The following ZFHX3 variants were observed in gnomAD, a reference collection of about 807,000 sequenced individuals.
ZFHX3 encodes the protein zinc finger homeobox protein 3.
A neutral mutation model predicts 279.1 loss-of-function variants in ZFHX3; 42 were observed. The observed-to-expected ratio is 0.15, with a 90% CI of 0.12 to 0.19. The LOEUF (loss-of-function observed/expected upper bound fraction) is 0.19. Among genes scored for constraint, ZFHX3 ranks in the 10% least tolerant of loss-of-function variants. The pLI, the probability that ZFHX3 is intolerant of heterozygous loss-of-function variation, is 1.00. For missense variants in ZFHX3, 4,981 were observed against 4,754.0 expected (o/e 1.05, Z -1.40); for synonymous variants, 2,293 against 1,957.8 (o/e 1.17, Z -4.52).
intron 3 of ZFHX3, among the ~76,000 whole-genome samples, chr16:73,356,397 A>G (rs1373749971): frequency 6.6e-6 from 1 of 151,972 alleles, no homozygotes; most frequent in Non-Finnish European, 1.5e-5. Flanking sequence ...AACCCTGCTA[A>G]TTGGATTGAC....
At chr16:73,122,452 C>CT (rs1966511264) in intron 7 of ZFHX3, among the ~76,000 whole-genome samples, 2 of 152,040 alleles carry the variant, frequency 1.3e-5, no homozygotes, top group Admixed American at 1.3e-4. Flanking sequence ...AGTGGTCTGC[C>CT]TGCCTTGGCC....
At chr16:73,217,285 G>C (rs1427312682) in intron 5 of ZFHX3, among the ~76,000 whole-genome samples, 1 of 152,278 alleles carries the variant, frequency 6.6e-6, no homozygotes, top group East Asian at 1.9e-4. Context: ...AGCTGCTGCA[G>C]CCTTCGTATG....
intron 2 of ZFHX3, among the ~76,000 whole-genome samples, chr16:73,532,952 T>G (rs540165743): frequency 2.5e-4 from 38 of 152,314 alleles, no homozygotes; most frequent in African/African-American, 8.4e-4. Flanking sequence ...ATTTTAAGTT[T>G]CATGAGGTCA....
Position 72,784,442 on chromosome 16 carries a change from G to A in ZFHX3, c.*2722C>T, listed in dbSNP as rs1444323586. 2 of 152,424 alleles carry A rather than the reference G, an allele frequency of 1.3e-5. No homozygotes were observed. The highest frequency in any genetic ancestry group is 2.4e-5 in the African/African-American group (1 of 41,394). 9.4% of individuals were successfully genotyped at this position (152,424 alleles called of 1,614,324 possible). On this transcript the variant is annotated 3_prime_UTR_variant, in exon 10 of 10. Transcript: ENST00000268489. Reference sequence around the variant, plus strand: ...GCAGAATTTGACAGGTAAAGCTAGTGTTACATTGTTAACTGATATCACATA... The same window carrying A: ...GCAGAATTTGACAGGTAAAGCTAGTATTACATTGTTAACTGATATCACATA...
intron 4 of ZFHX3, among the ~76,000 whole-genome samples, chr16:72,886,895 T>C (rs1238478299): frequency 2.0e-5 from 3 of 152,144 alleles, no homozygotes; most frequent in Non-Finnish European, 4.4e-5. Flanking sequence ...TGTAGACGGA[T>C]GGGATCAGAG....
chr16:72,836,955 T>C (rs1316684272), intron 4 of ZFHX3, among the ~76,000 whole-genome samples: 1 of 152,164 alleles, frequency 6.6e-6, no homozygotes, highest in African/African-American at 2.4e-5. Context: ...CTTCTCAGGA[T>C]GTCATTTCTT....
intron 3 of ZFHX3, among the ~76,000 whole-genome samples, chr16:73,366,604 AAAG>A (rs2016534543): frequency 7.0e-6 from 1 of 143,296 alleles, no homozygotes. Context: ...AAAAAAAAAA[AAAG>A]AGAGAAAGAG....
intron 4 of ZFHX3, among the ~76,000 whole-genome samples, chr16:72,882,066 C>G (rs537818734): frequency 6.6e-6 from 1 of 152,204 alleles, no homozygotes; most frequent in East Asian, 1.9e-4. Flanking sequence ...ATACTCACAC[C>G]CCTAAAAAGA....
chr16:73,258,494 C>G (rs1257085211), intron 4 of ZFHX3, among the ~76,000 whole-genome samples: 1 of 151,950 alleles, frequency 6.6e-6, no homozygotes, highest in Non-Finnish European at 1.5e-5. Flanking sequence ...GGACTACAGG[C>G]GCCCACCACC....
intron 4 of ZFHX3, among the ~76,000 whole-genome samples, chr16:72,849,860 CAAAAAAAAAAAAAAAAAAAAAAAAAAA>C (rs542156633): frequency 4.4e-4 from 25 of 56,560 alleles, no homozygotes; most frequent in East Asian, 8.9e-4. Context: ...GTTCACCTAC[CAAAAAAAAAAAAAAAAAAAAAAAAAAA>C]AAAAAAAAAA....
chr16:73,468,539 C>G (rs534182021), intron 2 of ZFHX3, among the ~76,000 whole-genome samples: 1 of 152,238 alleles, frequency 6.6e-6, no homozygotes, highest in African/African-American at 2.4e-5. Flanking sequence ...AGTTTGAGAC[C>G]AGCCTGGCCA....
chr16:72,817,901 C>T (rs1057201769), intron 5 of ZFHX3, among the ~76,000 whole-genome samples: 1 of 152,128 alleles, frequency 6.6e-6, no homozygotes, highest in Non-Finnish European at 1.5e-5. Flanking sequence ...CACTGACAGC[C>T]CCTCCATCTA....
chr16:73,674,467 G>A (rs2052934000), intron 2 of ZFHX3, among the ~76,000 whole-genome samples: 1 of 152,184 alleles, frequency 6.6e-6, no homozygotes, highest in African/African-American at 2.4e-5. Context: ...CAATTTAATT[G>A]GCCAAGAGGG....
chr16:73,403,368 C>T (rs2017295928), intron 3 of ZFHX3, among the ~76,000 whole-genome samples: 2 of 152,214 alleles, frequency 1.3e-5, no homozygotes, highest in South Asian at 4.1e-4. Context: ...CCACCATATC[C>T]TGTCATTTCC....
At chr16:73,150,028 C>T (rs984154979) in intron 5 of ZFHX3, among the ~76,000 whole-genome samples, 3 of 152,106 alleles carry the variant, frequency 2.0e-5, no homozygotes, top group African/African-American at 7.2e-5. Flanking sequence ...CCAGAATGGT[C>T]GTTTCCAAAG....
At chr16:72,999,158 T>C (rs970421232) in intron 1 of ZFHX3, among the ~76,000 whole-genome samples, 1 of 152,200 alleles carries the variant, frequency 6.6e-6, no homozygotes, top group Non-Finnish European at 1.5e-5. Context: ...ATCTTTTGTT[T>C]TTTTGTTTTG....
At chr16:73,561,846 C>G (rs1385807502) in intron 2 of ZFHX3, among the ~76,000 whole-genome samples, 1 of 152,176 alleles carries the variant, frequency 6.6e-6, no homozygotes, top group African/African-American at 2.4e-5. Context: ...TTTGATCTGT[C>G]TCTGTGGGCA....
At chr16:73,390,699 G>T (rs889340599) in intron 3 of ZFHX3, among the ~76,000 whole-genome samples, 31 of 152,094 alleles carry the variant, frequency 2.0e-4, no homozygotes, top group Non-Finnish European at 4.4e-5. Flanking sequence ...CGTAACAAAG[G>T]AACAGCCAGC....
At chr16:73,414,592 A>G (rs1297572759) in intron 3 of ZFHX3, among the ~76,000 whole-genome samples, 1 of 152,238 alleles carries the variant, frequency 6.6e-6, no homozygotes, top group African/African-American at 2.4e-5. Flanking sequence ...ACTGGGGGAA[A>G]TGAGAGGCCA....
Sources: gnomAD v4.1 joint callset for allele counts (sites outside exome capture counted in the v4.1 genomes callset) on GRCh38, gnomAD v4.1.1 for gene constraint, MANE v1.5 for transcripts, NCBI Gene and HGNC (gene_info 2026-07-23, HGNC 2026-07-21) for gene names.